Variants in ZNF385B observed in about 807,000 individuals in gnomAD.
ZNF385B encodes zinc finger protein 533.
ZNF385B carries 23 observed loss-of-function variants against 39.2 expected under a neutral mutation model. That is an observed-to-expected ratio of 0.59 (90% confidence interval 0.42 to 0.83). The LOEUF (loss-of-function observed/expected upper bound fraction) is 0.83, where lower values mean the gene tolerates loss of function less well. ZNF385B is among the 40% of genes least tolerant of loss of function. The pLI is 0.00. For missense variants in ZNF385B, 552 were observed against 598.9 expected (o/e 0.92, Z 0.82); for synonymous variants, 205 against 222.6 (o/e 0.92, Z 0.70).
intron 6 of ZNF385B, among the ~76,000 whole-genome samples, chr2:179,459,601 G>A (rs2051079327): frequency 6.6e-6 from 1 of 150,460 alleles, no homozygotes; most frequent in Non-Finnish European, 1.5e-5. Flanking sequence ...GTGTGTGTGT[G>A]TGTGTGTGTG....
chr2:179,564,861 GC>G (rs973622835), intron 3 of ZNF385B, among the ~76,000 whole-genome samples: 2 of 151,932 alleles, frequency 1.3e-5, no homozygotes, highest in African/African-American at 4.8e-5. Context: ...ACTTATCCCA[GC>G]CTCCCTGCCC....
At chr2:179,763,962 T>C (rs1703546889) in intron 3 of ZNF385B, among the ~76,000 whole-genome samples, 1 of 152,214 alleles carries the variant, frequency 6.6e-6, no homozygotes, top group East Asian at 1.9e-4. Context: ...GAGGTCTATA[T>C]AAATTAATTA....
At chr2:179,679,075 C>G (rs1193704323) in intron 3 of ZNF385B, among the ~76,000 whole-genome samples, 1 of 152,058 alleles carries the variant, frequency 6.6e-6, no homozygotes, top group East Asian at 1.9e-4. Context: ...TGTCAGTAGT[C>G]TAATATATAG....
At chr2:179,843,170 G>T (rs1054053860) in intron 1 of ZNF385B, among the ~76,000 whole-genome samples, 1 of 152,112 alleles carries the variant, frequency 6.6e-6, no homozygotes, top group African/African-American at 2.4e-5. Context: ...TCCCCTCAAG[G>T]GGCCTCTAAC....
intron 3 of ZNF385B, among the ~76,000 whole-genome samples, chr2:179,632,094 T>C (rs1470926490): frequency 6.6e-6 from 1 of 152,012 alleles, no homozygotes; most frequent in Non-Finnish European, 1.5e-5. Flanking sequence ...TCCCACACAA[T>C]AATAATGAGA....
chr2:179,505,500 A>T (rs2057173949), intron 5 of ZNF385B, among the ~76,000 whole-genome samples: 2 of 152,216 alleles, frequency 1.3e-5, no homozygotes, highest in East Asian at 3.9e-4. Flanking sequence ...ATCATCACAT[A>T]AAAAGATTTC....
intron 6 of ZNF385B, among the ~76,000 whole-genome samples, chr2:179,463,629 T>C (rs1382181624): frequency 6.6e-6 from 1 of 152,184 alleles, no homozygotes; most frequent in Non-Finnish European, 1.5e-5. Flanking sequence ...TTGTGATAGT[T>C]TGCTGAGAAT....
chr2:179,639,686 G>A (rs1692090443), intron 3 of ZNF385B, among the ~76,000 whole-genome samples: 1 of 152,082 alleles, frequency 6.6e-6, no homozygotes, highest in South Asian at 2.1e-4. Context: ...TAAAAGTAAT[G>A]GTAGAAACAG....
At chr2:179,455,191 T>C (rs1483689408) in intron 6 of ZNF385B, among the ~76,000 whole-genome samples, 3 of 152,166 alleles carry the variant, frequency 2.0e-5, no homozygotes, top group African/African-American at 7.2e-5. Flanking sequence ...CAAATGCTTA[T>C]TGTTGTGTTG....
chr2:179,706,154 G>A (rs913980758), intron 3 of ZNF385B, among the ~76,000 whole-genome samples: 2 of 152,112 alleles, frequency 1.3e-5, no homozygotes, highest in African/African-American at 2.4e-5. Flanking sequence ...ACCAGACCTC[G>A]GTTGATCCCA....
chr2:179,676,960 T>G (rs951576310), intron 3 of ZNF385B, among the ~76,000 whole-genome samples: 3 of 152,182 alleles, frequency 2.0e-5, no homozygotes, highest in African/African-American at 7.2e-5. Context: ...ACCCCAGGAT[T>G]TATTAAAATA....
At chr2:179,787,355 G>T (rs1705065626) in intron 1 of ZNF385B, among the ~76,000 whole-genome samples, 1 of 151,654 alleles carries the variant, frequency 6.6e-6, no homozygotes, top group Non-Finnish European at 1.5e-5. Context: ...TTTTATATTT[G>T]TCATTATAGT....
intron 3 of ZNF385B, among the ~76,000 whole-genome samples, chr2:179,553,943 G>C (rs2060741467): frequency 6.7e-6 from 1 of 149,004 alleles, no homozygotes; most frequent in Non-Finnish European, 1.5e-5. Flanking sequence ...AGACAGATAT[G>C]TTAGAAGCTG....
intron 3 of ZNF385B, among the ~76,000 whole-genome samples, chr2:179,722,658 G>A (rs995093010): frequency 6.6e-6 from 1 of 152,010 alleles, no homozygotes; most frequent in Admixed American, 6.6e-5. Flanking sequence ...TAATCTCAAG[G>A]TAGAGAAACA....
At chr2:179,607,773 G>A (rs1421836009) in intron 3 of ZNF385B, among the ~76,000 whole-genome samples, 1 of 152,124 alleles carries the variant, frequency 6.6e-6, no homozygotes, top group Non-Finnish European at 1.5e-5. Context: ...GAATTACCTT[G>A]TCTGGCAGAG....
intron 3 of ZNF385B, among the ~76,000 whole-genome samples, chr2:179,713,036 C>T (rs1700104163): frequency 6.6e-6 from 1 of 152,148 alleles, no homozygotes; most frequent in Non-Finnish European, 1.5e-5. Context: ...AAACAACCCA[C>T]ACTCCACAGT....
intron 3 of ZNF385B, among the ~76,000 whole-genome samples, chr2:179,633,884 A>G (rs1044021676): frequency 8.5e-5 from 13 of 152,232 alleles, no homozygotes; most frequent in Non-Finnish European, 1.2e-4. Context: ...AATAGGACAC[A>G]GGCCTCAGAA....
rs747336802 is a variant in ZNF385B, at chr2:179,711,881, A to ATT, written c.298+57620_298+57621dup. Among the ~76,000 whole-genome samples the ATT allele has an allele frequency of 8.1e-3, 740 of 90,916 alleles. 54 individuals carry two copies. The highest frequency in any genetic ancestry group is 0.014 in the East Asian group (35 of 2,518). The allele number at this position is 90,916 out of a possible 152,430, so 59.6% of individuals were successfully genotyped here. A position where few individuals can be genotyped will look rare whatever the true frequency, so the allele number is the denominator to read the frequency against. On this transcript the variant is annotated intron_variant, in intron 3 of 9. Coordinates refer to ENST00000410066, the MANE Select transcript of ZNF385B (RefSeq NM_152520.6). ...ACTGCAAAAATGCTATATAAACTGCATTTTTTTTTTTTTTTTTTTTTTTTT... is the reference window on the plus strand; with the variant it reads ...ACTGCAAAAATGCTATATAAACTGCATTTTTTTTTTTTTTTTTTTTTTTTTTT...
chr2:179,546,888 T>G (rs1340859043), intron 3 of ZNF385B, among the ~76,000 whole-genome samples: 2 of 149,992 alleles, frequency 1.3e-5, no homozygotes, highest in East Asian at 3.9e-4. Flanking sequence ...TTGCCAACAT[T>G]TGTTATTCTG....
Sources: allele counts gnomAD v4.1 joint callset (sites outside exome capture counted in the v4.1 genomes callset), GRCh38; gene constraint gnomAD v4.1.1; transcripts MANE v1.5; gene names NCBI Gene and HGNC (gene_info 2026-07-23, HGNC 2026-07-21).